Variants in PSENEN observed in about 807,000 individuals in gnomAD.
The protein encoded by PSENEN is gamma-secretase subunit PEN-2.
In PSENEN, 4 loss-of-function variants were observed where a neutral mutation model predicts 15.4. The ratio of observed to expected loss-of-function variants is 0.26; its 90% CI spans 0.13 to 0.59. The LOEUF (loss-of-function observed/expected upper bound fraction) is 0.59, where lower values mean the gene tolerates loss of function less well. PSENEN is among the 20% of genes least tolerant of loss of function. PSENEN has a pLI of 0.89. For missense variants in PSENEN, 112 were observed against 120.3 expected, an observed-to-expected ratio of 0.93 and a Z score of 0.32; for synonymous variants, 42 against 46.5, an observed-to-expected ratio of 0.90 and a Z score of 0.39.
intron 3 of PSENEN, 39 bp from the exon 4 acceptor site, chr19:35,746,669 C>T: frequency 6.2e-7 from 1 of 1,614,084 alleles, no homozygotes; most frequent in Non-Finnish European, 8.5e-7. Flanking sequence ...TGGAGAGCAG[C>T]CGGAGGCCAA....
Position 35,746,833 on chromosome 19 carries a change from C to T in PSENEN, c.292C>T (p.Leu98=). The T allele has an allele frequency of 1.2e-6, 2 of 1,613,920 alleles. No individual in the cohort carries two copies. The highest frequency in any genetic ancestry group is 1.7e-6 in the Non-Finnish European group (2 of 1,179,960). ...LGDYLSFTIP[L]GTP ...GGACTACCTCTCCTTCACCATACCC[C>T]TGGGCACCCCCTGACAACTTCTGCA... The change falls in exon 4 of 4, where the codon CTG becomes TTG. Residue 98 remains leucine, a synonymous_variant. Coordinates refer to ENST00000587708, the MANE Select transcript of PSENEN (RefSeq NM_172341.4).
Position 35,745,935 on chromosome 19 carries a change from A to G in PSENEN, c.5A>G (p.Asn2Ser), listed in dbSNP as rs1352360389. M[N>S]LERVSNEEKL... ...CGACCCGGCCCCAGCGCAGCTATGA[A>G]CCTGGAGCGAGTGTCCAATGAGGAG... Residue 2 changes from asparagine to serine, a missense_variant, in exon 2 of 4, where the codon AAC becomes AGC. Physicochemically the swap from Asn to Ser is conservative, Grantham distance 46. Transcript: ENST00000587708. The G allele has an allele frequency of 6.2e-7, 1 of 1,614,092 alleles. No individual in the cohort carries two copies. The highest frequency in any genetic ancestry group is 8.5e-7 in the Non-Finnish European group (1 of 1,180,012).
In PSENEN at chr19:35,746,804, T is replaced by G; in HGVS notation, c.263T>G (p.Leu88Arg). 1 of 1,614,010 alleles carries G rather than the reference T, an allele frequency of 6.2e-7. No individual in the cohort carries two copies. ...ATCTACCGGCCCCGCTGGGGTGCCC[T>G]TGGGGACTACCTCTCCTTCACCATA... ...FQIYRPRWGA[L>R]GDYLSFTIPL... The change falls in exon 4 of 4, where the codon CTT becomes CGT. Residue 88 changes from leucine (L) to arginine (R), a missense_variant. Coordinates refer to ENST00000587708, the MANE Select transcript of PSENEN (RefSeq NM_172341.4).
intron 3 of PSENEN, 81 bp from the exon 4 acceptor site, chr19:35,746,627 G>A: frequency 6.2e-7 from 1 of 1,611,462 alleles, no homozygotes; most frequent in Non-Finnish European, 8.5e-7. Context: ...TTGGGGCTCT[G>A]GGTGAGAAGG....
Position 35,745,937 on chromosome 19 carries a change from C to G in PSENEN, c.7C>G (p.Leu3Val), listed in dbSNP as rs1970554866. Residue 3 changes from leucine (L) to valine (V), a missense_variant, in exon 2 of 4, where the codon CTG becomes GTG. By Grantham distance (32) the Leu-to-Val change is conservative. Transcript: ENST00000587708. MN[L>V]ERVSNEEKLN... is the part of the protein sequence containing the mutation. ...ACCCGGCCCCAGCGCAGCTATGAAC[C>G]TGGAGCGAGTGTCCAATGAGGAGAA... 2.5e-6 allele frequency: 4 copies of G among 1,614,124 alleles called. No individual in the cohort carries two copies. The East Asian group carries it at 8.9e-5, about 36-fold the overall frequency.
At position 35,746,469 on chromosome 19, in the gene PSENEN, T is replaced by G. The variant is rs752685390; in HGVS notation, c.112T>G (p.Phe38Val). The G allele has an allele frequency of 6.2e-7, 1 of 1,614,068 alleles. No individual in the cohort carries two copies. Among genetic ancestry groups the G allele is most frequent in the South Asian group, 1.1e-5 (1 of 91,088 alleles). Residue 38 changes from phenylalanine (F) to valine (V), a missense_variant, in exon 3 of 4, where the codon TTC (phenylalanine) becomes GTC (valine). Coordinates refer to ENST00000587708, the MANE Select transcript of PSENEN (RefSeq NM_172341.4). ...CTGGTTGGTCAACATCTTCTGGTTC[T>G]TCCGAGAGGCCTTCCTTGTCCCAGC... is the stretch of plus-strand genomic sequence containing the variant. ...FLWLVNIFWF[F>V]REAFLVPAYT...
chr19:35,746,780 T>C lies in PSENEN; in HGVS notation c.239T>C (p.Ile80Thr), dbSNP rs201293694. 6.2e-7 allele frequency: 1 copy of C among 1,614,006 alleles called. No individual in the cohort carries two copies. Among genetic ancestry groups the C allele is most frequent in the Non-Finnish European group, 8.5e-7 (1 of 1,180,016 alleles). ...ACCTCCTGGATCACCATCTTCCAGA[T>C]CTACCGGCCCCGCTGGGGTGCCCTT... is the stretch of plus-strand genomic sequence containing the variant. Reference protein sequence around the residue: ...VLTSWITIFQIYRPRWGALGD... With the variant: ...VLTSWITIFQTYRPRWGALGD... Residue 80 changes from isoleucine to threonine, a missense_variant, in exon 4 of 4, where the codon ATC (isoleucine) becomes ACC (threonine). Transcript: ENST00000587708.
chr19:35,746,388 GGTTTGTTT>G, intron 2 of PSENEN, 23 bp from the exon 3 acceptor site: 1 of 1,545,200 alleles, frequency 6.5e-7, no homozygotes, highest in Non-Finnish European at 8.9e-7. Context: ...GAGGTTTTGG[GGTTTGTTT>G]GTTTGTTTTT....
At position 35,747,491 on chromosome 19, in the gene PSENEN, T is replaced by TA. The variant is rs1970615163; in HGVS notation, c.*649dup. On this transcript the variant is annotated 3_prime_UTR_variant, in exon 4 of 4. Coordinates refer to ENST00000587708, the MANE Select transcript of PSENEN (RefSeq NM_172341.4). Reference sequence around the variant, plus strand: ...CTGAAGGAAGTGTTGTCTGCAAAAATAAAAATAGTCAAGAGCTTTCTCAGA... The same window carrying TA: ...CTGAAGGAAGTGTTGTCTGCAAAAATAAAAAATAGTCAAGAGCTTTCTCAGA... The TA allele has an allele frequency of 6.6e-6, 1 of 152,086 alleles. No homozygotes were observed. Among genetic ancestry groups the TA allele is most frequent in the African/African-American group, 2.4e-5 (1 of 41,386 alleles). 9.4% of individuals were successfully genotyped at this position (152,086 alleles called of 1,614,324 possible). A position where few individuals can be genotyped will look rare whatever the true frequency, so the allele number is the denominator to read the frequency against.
Position 35,745,877 on chromosome 19 carries a change from A to G in PSENEN, c.-54A>G, listed in dbSNP as rs1200707356. ...ATCCTTGCATCTGTTACTTAGGGTC[A>G]AGGCTTGGGTCTTGCCCCGCAGACC... On this transcript the variant is annotated 5_prime_UTR_variant, in exon 2 of 4. Transcript: ENST00000587708. The G allele has an allele frequency of 6.4e-6, 10 of 1,559,698 alleles. No homozygotes were observed. The highest frequency in any genetic ancestry group is 8.8e-6 in the Non-Finnish European group (10 of 1,130,918).
chr19:35,746,271 A>G (rs1970565189), intron 2 of PSENEN, 148 bp from the exon 3 acceptor site: 1 of 770,126 alleles, frequency 1.3e-6, no homozygotes, highest in East Asian at 2.7e-5. Flanking sequence ...AAGAGGAGCC[A>G]GATTCCTGAG....
At chr19:35,746,550 G>A (rs1970577109) in intron 3 of PSENEN, 27 bp downstream of exon 3, 3 of 1,605,942 alleles carry the variant, frequency 1.9e-6, no homozygotes, top group Non-Finnish European at 2.6e-6. Context: ...GAGGAGGGAG[G>A]CCAGTGGCAG....
Position 35,745,892 on chromosome 19 carries a change from C to T in PSENEN, c.-39C>T, listed in dbSNP as rs756930211. 6 of 1,601,364 alleles carry T rather than the reference C, an allele frequency of 3.7e-6. No individual in the cohort carries two copies. Among genetic ancestry groups the T allele is most frequent in the Non-Finnish European group, 5.1e-6 (6 of 1,168,650 alleles). ...ACTTAGGGTCAAGGCTTGGGTCTTG[C>T]CCCGCAGACCCTTGGGACGACCCGG... On this transcript the variant is annotated 5_prime_UTR_variant, in exon 2 of 4. Coordinates refer to ENST00000587708, the MANE Select transcript of PSENEN (RefSeq NM_172341.4).
At chr19:35,746,593 A>G in intron 3 of PSENEN, 70 bp downstream of exon 3, 1 of 1,603,608 alleles carries the variant, frequency 6.2e-7, no homozygotes, top group Non-Finnish European at 8.5e-7. Context: ...CTTGGTGGGA[A>G]GGGACAATGG....
Position 35,746,745 on chromosome 19 carries a change from G to A in PSENEN, c.204G>A (p.Val68=). The change falls in exon 4 of 4, where the codon GTG becomes GTA. Residue 68 remains valine, a synonymous_variant. Transcript: ENST00000587708. The stretch of plus-strand genomic sequence containing the variant: ...CAGCTGTGGGCTTCCTCTTCTGGGT[G>A]ATAGTGCTCACCTCCTGGATCACCA... ...WRSAVGFLFW[V]IVLTSWITIF... 1 of 1,614,168 alleles carries A rather than the reference G, an allele frequency of 6.2e-7. No homozygotes were observed. The highest frequency in any genetic ancestry group is 1.1e-5 in the South Asian group (1 of 91,074).
At chr19:35,746,376 A>C (rs775668343) in intron 2 of PSENEN, 43 bp from the exon 3 acceptor site, 1 of 1,475,642 alleles carries the variant, frequency 6.8e-7, no homozygotes, top group Non-Finnish European at 9.4e-7. Flanking sequence ...TCATTGCCTT[A>C]TGAGGTTTTG....
chr19:35,746,044 C>A, intron 2 of PSENEN, 53 bp downstream of exon 2: 2 of 1,582,022 alleles, frequency 1.3e-6, no homozygotes, highest in Non-Finnish European at 1.7e-6. Context: ...GACTAGAGCA[C>A]CCGAGGGAAG....
rs1235955156 is a variant in PSENEN at position 35,747,514 on chromosome 19, A to G, written c.*667A>G. 1 of 152,160 alleles carries G rather than the reference A, an allele frequency of 6.6e-6. No individual in the cohort carries two copies. The highest frequency in any genetic ancestry group is 1.5e-5 in the Non-Finnish European group (1 of 68,020). 9.4% of individuals were successfully genotyped at this position (152,160 alleles called of 1,614,324 possible). On this transcript the variant is annotated 3_prime_UTR_variant, in exon 4 of 4. Transcript: ENST00000587708. ...AATAAAAATAGTCAAGAGCTTTCTC[A>G]GAGAATCCTTCCTTGACCATCCATC...
chr19:35,746,205 C>T lies in PSENEN; in HGVS notation c.61+214C>T, dbSNP rs114466311. ...CCAAGAGAGGAGGGGGATTGAGGGC[C>T]TGGACTCTTGGGTCCTGTGAAAGAG... On this transcript the variant is annotated intron_variant, in intron 2 of 3. Transcript: ENST00000587708. Among the ~76,000 whole-genome samples, 1,239 of 152,258 alleles carry T rather than the reference C, an allele frequency of 8.1e-3. 12 individuals are homozygous for T. The highest frequency in any genetic ancestry group is 0.028 in the African/African-American group (1,173 of 41,556).
Sources: allele counts gnomAD v4.1 joint callset (sites outside exome capture counted in the v4.1 genomes callset), GRCh38; gene constraint gnomAD v4.1.1; transcripts MANE v1.5; gene names NCBI Gene and HGNC (gene_info 2026-07-23, HGNC 2026-07-21).